Variants in GRB10 observed in about 807,000 individuals in gnomAD.
GRB10 encodes growth factor receptor-bound protein 10.
Under a neutral mutation model 80.9 loss-of-function variants are expected in GRB10, and 20 were observed. The ratio of observed to expected loss-of-function variants is 0.25; its 90% CI spans 0.17 to 0.36. The LOEUF (loss-of-function observed/expected upper bound fraction) is 0.36, where lower values mean the gene tolerates loss of function less well. Ranked by LOEUF, GRB10 falls within the 10% of genes least tolerant of loss-of-function variation. The pLI is 1.00. For missense variants in GRB10, 548 were observed against 747.7 expected (o/e 0.73, Z 3.12); for synonymous variants, 291 against 291.5 (o/e 1.00, Z 0.02).
At chr7:50,767,635 C>T (rs1033253451) in intron 2 of GRB10, among the ~76,000 whole-genome samples, 5 of 152,112 alleles carry the variant, frequency 3.3e-5, no homozygotes, top group African/African-American at 7.2e-5. Context: ...AGAGTCCCTG[C>T]GGCTCCTGGC....
chr7:50,595,135 T>C (rs1020627230), intron 18 of GRB10, among the ~76,000 whole-genome samples: 2 of 152,042 alleles, frequency 1.3e-5, no homozygotes, highest in Non-Finnish European at 2.9e-5. Context: ...CAGCTAATTC[T>C]CCTCCACCTC....
intron 5 of GRB10, among the ~76,000 whole-genome samples, chr7:50,687,699 G>A (rs1382909654): frequency 6.6e-6 from 1 of 152,200 alleles, no homozygotes; most frequent in African/African-American, 2.4e-5. Context: ...CTAAGGCACA[G>A]CAGCTGCCCA....
At chr7:50,658,054 A>G (rs185035316) in intron 7 of GRB10, among the ~76,000 whole-genome samples, 3 of 152,354 alleles carry the variant, frequency 2.0e-5, no homozygotes, top group African/African-American at 7.2e-5. Flanking sequence ...TTGGGTCTCA[A>G]CCAAGACCCA....
intron 6 of GRB10, among the ~76,000 whole-genome samples, chr7:50,674,071 G>A (rs372448930): frequency 6.6e-6 from 1 of 152,160 alleles, no homozygotes; most frequent in African/African-American, 2.4e-5. Context: ...CTAGCCTCCC[G>A]TCCCTACTCT....
At chr7:50,711,961 G>A (rs928367168) in intron 4 of GRB10, among the ~76,000 whole-genome samples, 2 of 152,062 alleles carry the variant, frequency 1.3e-5, no homozygotes, top group Non-Finnish European at 2.9e-5. Flanking sequence ...ATCACATCTC[G>A]TAAGCGTGGG....
rs552206677 is a variant in GRB10, at chr7:50,689,423, G to A, written c.139+14398C>T. ...ACTCTTTGAACAACTCAGGACTATC[G>A]TGAAAGACTTTCTTGGTCAGGCTGA... On this transcript the variant is annotated intron_variant, in intron 5 of 18. Coordinates refer to ENST00000401949, the MANE Select transcript of GRB10 (RefSeq NM_001350814.2). 7.2e-5 allele frequency among the ~76,000 whole-genome samples: 11 copies of A among 152,292 alleles called. No homozygotes were observed. In the South Asian group the frequency reaches 1.7e-3, roughly 23 times the overall value.
chr7:50,604,513 C>G (rs996241180), intron 15 of GRB10, 136 bp from the exon 16 acceptor site: 1 of 761,126 alleles, frequency 1.3e-6, no homozygotes, highest in African/African-American at 1.7e-5. Flanking sequence ...CATCTGAAGA[C>G]CCCACTGACC....
intron 7 of GRB10, among the ~76,000 whole-genome samples, chr7:50,629,927 C>G (rs114032685): frequency 1.0e-3 from 154 of 152,286 alleles, no homozygotes; most frequent in African/African-American, 3.6e-3. Flanking sequence ...GCCCTTGTCC[C>G]GCAGCAACTC....
intron 7 of GRB10, among the ~76,000 whole-genome samples, chr7:50,649,134 T>C (rs932015175): frequency 1.3e-5 from 2 of 152,034 alleles, no homozygotes; most frequent in Non-Finnish European, 2.9e-5. Context: ...TGGGCTCCAT[T>C]CTCGGAGGTG....
At chr7:50,727,742 ACT>A (rs1467985386) in intron 4 of GRB10, 2 of 147,912 alleles carry the variant, frequency 1.4e-5, no homozygotes, top group East Asian at 4.0e-4. Flanking sequence ...AAAAAAAAAA[ACT>A]TACATTCTTA....
Position 50,713,267 on chromosome 7 carries a change from GCCT to G in GRB10, c.52-9362_52-9360del, listed in dbSNP as rs2066185155. Among the ~76,000 whole-genome samples the G allele has an allele frequency of 4.6e-5, 7 of 151,970 alleles. No individual in the cohort carries two copies. The South Asian group carries it at 1.5e-3, about 32-fold the overall frequency. ...TTTTACTACTGCCACTACTGCCCCT[GCCT>G]CCTCCTCCTCTGCGGTCACTACCTC... On this transcript the variant is annotated intron_variant, in intron 4 of 18. Transcript: ENST00000401949.
chr7:50,784,309 T>C (rs989066242), upstream of GRB10, among the ~76,000 whole-genome samples: 1 of 152,246 alleles, frequency 6.6e-6, no homozygotes, highest in African/African-American at 2.4e-5. Flanking sequence ...GGTTACTGAC[T>C]GGGAGAACTT....
chr7:50,595,720 G>A, intron 17 of GRB10, 190 bp from the exon 18 acceptor site: 2 of 567,376 alleles, frequency 3.5e-6, no homozygotes, highest in South Asian at 3.9e-5. Flanking sequence ...CAAGCACCAA[G>A]ACGGTAATTC....
At chr7:50,652,254 G>A (rs2058080948) in intron 7 of GRB10, among the ~76,000 whole-genome samples, 1 of 152,206 alleles carries the variant, frequency 6.6e-6, no homozygotes, top group South Asian at 2.1e-4. Flanking sequence ...CACACTGCTA[G>A]TATTGCAGAC....
chr7:50,780,962 T>A (rs139343427), intron 1 of GRB10: 8 of 152,298 alleles, frequency 5.3e-5, no homozygotes, highest in Non-Finnish European at 1.0e-4. Flanking sequence ...GGTAATTACA[T>A]GATGGCTGGA....
intron 3 of GRB10, among the ~76,000 whole-genome samples, chr7:50,752,893 G>A (rs930209542): frequency 2.0e-5 from 3 of 152,190 alleles, no homozygotes; most frequent in Non-Finnish European, 4.4e-5. Context: ...CTAAGCTATG[G>A]TCCCCAAGGA....
intron 8 of GRB10, among the ~76,000 whole-genome samples, chr7:50,625,879 G>A (rs2052785401): frequency 6.6e-6 from 1 of 152,148 alleles, no homozygotes; most frequent in Non-Finnish European, 1.5e-5. Context: ...AGACCTAGAG[G>A]TTTAAATTAA....
chr7:50,727,265 C>T (rs1376744087), intron 4 of GRB10: 2 of 152,162 alleles, frequency 1.3e-5, no homozygotes, highest in East Asian at 1.9e-4. Context: ...TAATCACCCT[C>T]CCCTCTACTT....
intron 3 of GRB10, among the ~76,000 whole-genome samples, chr7:50,751,843 T>C (rs189051291): frequency 8.5e-5 from 13 of 152,358 alleles, no homozygotes; most frequent in African/African-American, 2.6e-4. Context: ...GGCTTTAAAG[T>C]CACCTCAAAC....
Sources: gnomAD v4.1 joint callset for allele counts (sites outside exome capture counted in the v4.1 genomes callset) on GRCh38, gnomAD v4.1.1 for gene constraint, MANE v1.5 for transcripts, NCBI Gene and HGNC (gene_info 2026-07-23, HGNC 2026-07-21) for gene names.